Variants in TIAL1 observed in about 807,000 individuals in gnomAD.
The protein encoded by TIAL1 is nucleolysin TIAR.
Under a neutral mutation model 59.7 loss-of-function variants are expected in TIAL1, and 7 were observed. That is an observed-to-expected ratio of 0.12 (90% CI 0.07 to 0.22). The LOEUF is 0.22. Ranked by LOEUF, TIAL1 falls within the 10% of genes least tolerant of loss-of-function variation. The pLI is 1.00. For missense variants in TIAL1, 225 were observed against 462.5 expected, an observed-to-expected ratio of 0.49 and a Z score of 4.71; for synonymous variants, 149 against 146.3, an observed-to-expected ratio of 1.02 and a Z score of -0.13.
intron 7 of TIAL1, 139 bp downstream of exon 7, chr10:119,578,587 T>C (rs1490628240): frequency 1.8e-5 from 13 of 706,934 alleles, no homozygotes; most frequent in Non-Finnish European, 3.2e-5. Context: ...GCTAAGATCA[T>C]GCCACCGCAC....
intron 1 of TIAL1, among the ~76,000 whole-genome samples, chr10:119,595,851 C>T (rs1335216475): frequency 6.6e-6 from 1 of 152,094 alleles, no homozygotes; most frequent in Non-Finnish European, 1.5e-5. Context: ...GGGCGCTAGG[C>T]GGGTGTTTCT....
At chr10:119,590,463 G>A (rs1845792563) in intron 1 of TIAL1, among the ~76,000 whole-genome samples, 2 of 152,138 alleles carry the variant, frequency 1.3e-5, no homozygotes, top group Non-Finnish European at 2.9e-5. Context: ...TGTAATCCCA[G>A]CACTTTGGGA....
chr10:119,595,838 AGCGGGCGCTAG>A (rs1846147027), intron 1 of TIAL1, among the ~76,000 whole-genome samples: 1 of 152,202 alleles, frequency 6.6e-6, no homozygotes, highest in South Asian at 2.1e-4. Context: ...CTTCAAAAGT[AGCGGGCGCTAG>A]GCGGGTGTTT....
rs779932111 is a variant in TIAL1, at chr10:119,588,137, C to T, written c.129+15G>A. On this transcript the variant is annotated intron_variant, in intron 2 of 11. Transcript: ENST00000436547. ...TCATGCTAATTGTCAGCACATGGAA[C>T]TGGGAAGATCTTACCTCTGTTATCA... is the stretch of plus-strand genomic sequence containing the variant. 6.7e-7 allele frequency: 1 copy of T among 1,482,426 alleles called. No individual in the cohort carries two copies. The highest frequency in any genetic ancestry group is 9.1e-7 in the Non-Finnish European group (1 of 1,099,430). 91.8% of individuals were successfully genotyped at this position (1,482,426 alleles called of 1,614,324 possible). A position where few individuals can be genotyped will look rare whatever the true frequency, so the allele number is the denominator to read the frequency against.
intron 10 of TIAL1, 72 bp from the exon 11 acceptor site, chr10:119,576,822 AG>A: frequency 1.3e-6 from 2 of 1,570,786 alleles, no homozygotes; most frequent in Non-Finnish European, 1.7e-6. Context: ...GTGGGAGACA[AG>A]GAAGAGAAAA....
At chr10:119,584,218 T>C (rs188874614) in intron 2 of TIAL1, among the ~76,000 whole-genome samples, 1 of 152,322 alleles carries the variant, frequency 6.6e-6, no homozygotes, top group East Asian at 1.9e-4. Context: ...ACATATTTTA[T>C]ATATTCACAT....
Position 119,575,266 on chromosome 10 carries a change from T to C in TIAL1, c.*399A>G, listed in dbSNP as rs1212098884. 5.7e-6 allele frequency: 1 copy of C among 174,572 alleles called. No homozygotes were observed. Among genetic ancestry groups the C allele is most frequent in the African/African-American group, 2.4e-5 (1 of 41,534 alleles). 10.8% of individuals were successfully genotyped at this position (174,572 alleles called of 1,614,324 possible). On this transcript the variant is annotated 3_prime_UTR_variant, in exon 12 of 12. Transcript: ENST00000436547. ...GATTCAGGATGAACTTATATGTGAT[T>C]CCCAGGTTTTCACGATCCTCCCTTT...
chr10:119,595,149 A>G (rs1846097711), intron 1 of TIAL1, among the ~76,000 whole-genome samples: 1 of 152,206 alleles, frequency 6.6e-6, no homozygotes, highest in Non-Finnish European at 1.5e-5. Flanking sequence ...CTCTATCAAT[A>G]CTGAACATCT....
intron 1 of TIAL1, chr10:119,593,569 GA>G: frequency 1.2e-6 from 1 of 856,992 alleles, no homozygotes; most frequent in Non-Finnish European, 1.4e-6. Flanking sequence ...AACAATTTAA[GA>G]TAAGCTTTGT....
At chr10:119,580,252 G>T in intron 5 of TIAL1, 1 of 417,832 alleles carries the variant, frequency 2.4e-6, no homozygotes, top group South Asian at 6.2e-5. Flanking sequence ...TAAACTAAAT[G>T]CTCAAATTTG....
chr10:119,584,527 T>C (rs1163640726), intron 2 of TIAL1, among the ~76,000 whole-genome samples: 2 of 152,020 alleles, frequency 1.3e-5, no homozygotes, highest in African/African-American at 2.4e-5. Flanking sequence ...CCAAGTGACA[T>C]CCTAAAAATC....
At chr10:119,585,558 G>A (rs545384935) in intron 2 of TIAL1, among the ~76,000 whole-genome samples, 1 of 152,198 alleles carries the variant, frequency 6.6e-6, no homozygotes, top group Non-Finnish European at 1.5e-5. Flanking sequence ...GACTTTACAA[G>A]CTCAAATCTA....
chr10:119,582,290 T>C lies in TIAL1; in HGVS notation c.229-67A>G. ...CATGAGTTACAACACTTACCACTTA[T>C]TAAATCATTTATCAAGCAGGGTTAT... On this transcript the variant is annotated intron_variant, in intron 3 of 11. Transcript: ENST00000436547. The surrounding 1 kb of genome is among the most constrained non-coding windows in gnomAD (Gnocchi z 5.1). 1.4e-6 allele frequency: 2 copies of C among 1,479,976 alleles called. No homozygotes were observed. The highest frequency in any genetic ancestry group is 1.8e-6 in the Non-Finnish European group (2 of 1,091,834). The allele number at this position is 1,479,976 out of a possible 1,614,324, so 91.7% of individuals were successfully genotyped here.
chr10:119,588,257 G>C lies in TIAL1; in HGVS notation c.33-9C>G, dbSNP rs759048234. On this transcript the variant is annotated splice_polypyrimidine_tract_variant and intron_variant, in intron 1 of 11. Coordinates refer to ENST00000436547, the MANE Select transcript of TIAL1 (RefSeq NM_003252.4). ...AAAGGTTACCTACGTATCTGCACAA[G>C]AAAAAAATACGTTATCAGCAATTTT... The C allele has an allele frequency of 6.5e-7, 1 of 1,537,142 alleles. No homozygotes were observed. The highest frequency in any genetic ancestry group is 2.3e-5 in the East Asian group (1 of 43,040).
At chr10:119,583,530 GT>G (rs929777538) in intron 2 of TIAL1, among the ~76,000 whole-genome samples, 1 of 152,124 alleles carries the variant, frequency 6.6e-6, no homozygotes, top group African/African-American at 2.4e-5. Flanking sequence ...ATATTTTTAT[GT>G]AAGGCTAAAA....
intron 1 of TIAL1, 106 bp downstream of exon 1, chr10:119,596,328 G>T: frequency 7.7e-7 from 1 of 1,293,228 alleles, no homozygotes. Context: ...TGGTCAGGGA[G>T]CCGCCTAGAG....
At chr10:119,589,363 G>A (rs552016732) in intron 1 of TIAL1, among the ~76,000 whole-genome samples, 10 of 152,166 alleles carry the variant, frequency 6.6e-5, no homozygotes, top group South Asian at 2.1e-4. Flanking sequence ...GCACCACCAC[G>A]CCCGGCTAAT....
rs537890854 is a variant in TIAL1, at chr10:119,577,060, G to A, written c.861+20C>T. The A allele has an allele frequency of 5.6e-5, 90 of 1,611,742 alleles. No individual in the cohort carries two copies. In the South Asian group the frequency reaches 9.5e-4, roughly 17 times the overall value. ...ATGTAAGATGGAAACCTTAAAGAAT[G>A]CTATGAAAAATCGAATTACCTGTTG... On this transcript the variant is annotated intron_variant, in intron 10 of 11. Transcript: ENST00000436547.
chr10:119,585,914 A>G (rs529049669), intron 2 of TIAL1, among the ~76,000 whole-genome samples: 1 of 152,188 alleles, frequency 6.6e-6, no homozygotes, highest in African/African-American at 2.4e-5. Context: ...GTCTCCTACC[A>G]CACTCTGGTT....
Sources: gnomAD v4.1 joint callset for allele counts (sites outside exome capture counted in the v4.1 genomes callset) on GRCh38, gnomAD v4.1.1 for gene constraint, Gnocchi (gnomAD v3.1) non-coding constraint, MANE v1.5 for transcripts, NCBI Gene and HGNC (gene_info 2026-07-23, HGNC 2026-07-21) for gene names.